LIG1: variants seen among roughly 807,000 people sequenced by gnomAD.
LIG1 encodes the protein ligase I, DNA, ATP-dependent.
LIG1 carries 70 observed loss-of-function variants against 115.7 expected under a neutral mutation model. The ratio of observed to expected loss-of-function variants is 0.60; its 90% CI spans 0.50 to 0.74. LIG1 has a LOEUF of 0.74. Among genes scored for constraint, LIG1 ranks in the 30% least tolerant of loss-of-function variants. LIG1 has a pLI of 0.00. For missense variants in LIG1, 1,115 were observed against 1,225.6 expected, an observed-to-expected ratio of 0.91 and a Z score of 1.35; for synonymous variants, 487 against 495.3, an observed-to-expected ratio of 0.98 and a Z score of 0.22.
chr19:48,165,079 T>C (rs925407947), intron 2 of LIG1, among the ~76,000 whole-genome samples: 10 of 152,182 alleles, frequency 6.6e-5, no homozygotes, highest in Non-Finnish European at 1.5e-4. Context: ...ACCAACGTGG[T>C]GAAACCCCGT....
intron 19 of LIG1, among the ~76,000 whole-genome samples, chr19:48,128,621 G>A (rs998015686): frequency 6.6e-6 from 1 of 152,118 alleles, no homozygotes; most frequent in East Asian, 1.9e-4. Context: ...TGCATGTGCC[G>A]TTCCCTCTAG....
intron 23 of LIG1, 38 bp from the exon 24 acceptor site, chr19:48,121,360 G>T (rs377607663): frequency 3.9e-6 from 6 of 1,549,818 alleles, no homozygotes; most frequent in Admixed American, 1.9e-5. Flanking sequence ...AAGGGGGAGC[G>T]CCCAAGGCGG....
At chr19:48,120,644 AG>A in intron 24 of LIG1, 1 of 786,644 alleles carries the variant, frequency 1.3e-6, no homozygotes, top group Middle Eastern at 6.4e-4. Context: ...CAAAGTGATG[AG>A]CAACAGAACT....
At chr19:48,152,509 A>G (rs1432350193) in intron 6 of LIG1, among the ~76,000 whole-genome samples, 2 of 152,220 alleles carry the variant, frequency 1.3e-5, no homozygotes, top group East Asian at 1.9e-4. Context: ...AAATGACGTT[A>G]AAGGCTGCAA....
Position 48,122,952 on chromosome 19 carries a change from T to C in LIG1, c.2214A>G (p.Arg738=). The part of the protein sequence containing the change: ...DVDATYEIAK[R]SHNWLKLKKD... ...GAATCACCTTGAGCCAGTTGTGCGA[T>C]CTCTTGGCGATCTCGTAGGTGGCAT... The change falls in exon 23 of 28, where the codon AGA becomes AGG. Residue 738 remains arginine (R), a synonymous_variant. Coordinates refer to ENST00000263274, the MANE Select transcript of LIG1 (RefSeq NM_000234.3). The surrounding 1 kb of genome is among the most constrained non-coding windows in gnomAD (Gnocchi z 4.3). The C allele has an allele frequency of 1.9e-6, 3 of 1,612,752 alleles. No homozygotes were observed. The highest frequency in any genetic ancestry group is 2.5e-6 in the Non-Finnish European group (3 of 1,179,792).
chr19:48,134,892 T>A (rs2034281422), intron 16 of LIG1, among the ~76,000 whole-genome samples: 1 of 152,218 alleles, frequency 6.6e-6, no homozygotes, highest in East Asian at 1.9e-4. Context: ...CCCTCCTGCC[T>A]CTGACATCCT....
At chr19:48,136,877 G>C (rs2034424499) in intron 14 of LIG1, 131 bp downstream of exon 14, 1 of 771,278 alleles carries the variant, frequency 1.3e-6, no homozygotes, top group African/African-American at 1.7e-5. Flanking sequence ...TAGGGGCTGG[G>C]CCTCCTGCTC....
At chr19:48,123,374 T>G in intron 21 of LIG1, 56 bp from the exon 22 acceptor site, 3 of 1,593,062 alleles carry the variant, frequency 1.9e-6, no homozygotes, top group Non-Finnish European at 2.6e-6. Context: ...ATAAAGACAA[T>G]AAGCCCTAAA....
At chr19:48,160,042 G>C (rs562192371) in intron 4 of LIG1, among the ~76,000 whole-genome samples, 6 of 152,246 alleles carry the variant, frequency 3.9e-5, no homozygotes, top group African/African-American at 1.2e-4. Context: ...GGAGAAAAGG[G>C]GATCTCTAGC....
Position 48,115,721 on chromosome 19 carries a change from C to T in LIG1, c.2688G>A (p.Leu896=). Residue 896 remains leucine, a synonymous_variant, in exon 28 of 28, where the codon TTG becomes TTA. Coordinates refer to ENST00000263274, the MANE Select transcript of LIG1 (RefSeq NM_000234.3). Reference sequence around the variant, plus strand: ...TCTGAATCTGACTTTGCTTCCGGTACAAACAGGCCACCTGCGGAGAGAGGG... The same window carrying T: ...TCTGAATCTGACTTTGCTTCCGGTATAAACAGGCCACCTGCGGAGAGAGGG... ...QATTSAQVAC[L]YRKQSQIQNQ... 1 of 1,614,018 alleles carries T rather than the reference C, an allele frequency of 6.2e-7. No individual in the cohort carries two copies. The highest frequency in any genetic ancestry group is 1.1e-5 in the South Asian group (1 of 91,082).
chr19:48,122,605 A>C lies in LIG1; in HGVS notation c.2232+329T>G, dbSNP rs2033367015. On this transcript the variant is annotated intron_variant, in intron 23 of 27. Coordinates refer to ENST00000263274, the MANE Select transcript of LIG1 (RefSeq NM_000234.3). This position sits in a 1 kb window ranked among gnomAD's most constrained non-coding sequence, Gnocchi z 4.3. ...TCTTCATGGCGCCCACTCCTGCCTG[A>C]CTTTCTCTTATTCATGTCCTGGCTT... Among the ~76,000 whole-genome samples, 1 of 152,050 alleles carries C rather than the reference A, an allele frequency of 6.6e-6. No homozygotes were observed. Among genetic ancestry groups the C allele is most frequent in the Non-Finnish European group, 1.5e-5 (1 of 68,000 alleles).
chr19:48,133,997 G>A lies in LIG1; in HGVS notation c.1593C>T (p.His531=), dbSNP rs2034215384. 2 of 1,554,548 alleles carry A rather than the reference G, an allele frequency of 1.3e-6. No homozygotes were observed. The highest frequency in any genetic ancestry group is 1.7e-6 in the Non-Finnish European group (2 of 1,148,616). The change falls in exon 17 of 28, where the codon CAC becomes CAT. Residue 531 remains histidine (H), a synonymous_variant. Transcript: ENST00000263274. ...GGCCTGTACCTGGGCTCAGCTTGCAGTGCTCCGGGAGACGTTCCAGGCCGT... is the reference window on the plus strand; with the variant it reads ...GGCCTGTACCTGGGCTCAGCTTGCAATGCTCCGGGAGACGTTCCAGGCCGT... ...LEHGLERLPE[H]CKLSPGIPLK...
At chr19:48,123,409 G>C in intron 21 of LIG1, 91 bp from the exon 22 acceptor site, 1 of 1,439,016 alleles carries the variant, frequency 6.9e-7, no homozygotes, top group Non-Finnish European at 9.6e-7. Flanking sequence ...GACATGTGCG[G>C]GTCACAACTA....
At chr19:48,135,625 A>G (rs1599781830) in intron 16 of LIG1, 55 bp downstream of exon 16, 11 of 1,280,714 alleles carry the variant, frequency 8.6e-6, no homozygotes, top group Non-Finnish European at 1.0e-5. Flanking sequence ...CTCCACCCCC[A>G]CCCTGGCACT....
chr19:48,126,342 A>AAAAAG, intron 21 of LIG1, among the ~76,000 whole-genome samples: 1 of 152,154 alleles, frequency 6.6e-6, no homozygotes, highest in African/African-American at 2.4e-5. Flanking sequence ...GTGGTGGTTC[A>AAAAAG]CGCCTGTAAT....
At chr19:48,166,505 CAGA>C (rs57375266) in intron 1 of LIG1, among the ~76,000 whole-genome samples, 15 of 126,426 alleles carry the variant, frequency 1.2e-4, no homozygotes, top group African/African-American at 6.2e-4. Context: ...TCAGGAGGGA[CAGA>C]CGCTGGAGGG....
chr19:48,149,793 C>T lies in LIG1; in HGVS notation c.746G>A (p.Gly249Glu), dbSNP rs3730911. 442 of 1,614,096 alleles carry T rather than the reference C, an allele frequency of 2.7e-4. 4 individuals carry two copies. In the East Asian group the frequency reaches 8.4e-3, roughly 31 times the overall value. Residue 249 changes from glycine (G) to glutamate (E), a missense_variant, in exon 9 of 28, where the codon GGG becomes GAG. Transcript: ENST00000263274. ...VKKEVKEEEP[G>E]APGKEGAAEG... is the part of the protein sequence containing the mutation. Reference sequence around the variant, plus strand: ...AGCAGCTCCCTCCTTTCCTGGAGCCCCTGGCTCCTCTTCCTTCACTTCTTT... The same window carrying T: ...AGCAGCTCCCTCCTTTCCTGGAGCCTCTGGCTCCTCTTCCTTCACTTCTTT...
At chr19:48,154,230 A>G in intron 5 of LIG1, 2 of 458,130 alleles carry the variant, frequency 4.4e-6, no homozygotes, top group Non-Finnish European at 8.2e-6. Context: ...CGAGTAAACA[A>G]TGATGTAATG....
chr19:48,155,185 C>T (rs1164649865), intron 5 of LIG1, among the ~76,000 whole-genome samples: 1 of 152,128 alleles, frequency 6.6e-6, no homozygotes, highest in East Asian at 1.9e-4. Flanking sequence ...ATGAACCTGC[C>T]TCCCCACCTC....
Sources: allele counts gnomAD v4.1 joint callset (sites outside exome capture counted in the v4.1 genomes callset), GRCh38; gene constraint gnomAD v4.1.1; non-coding constraint Gnocchi (gnomAD v3.1); transcripts MANE v1.5; gene names NCBI Gene and HGNC (gene_info 2026-07-23, HGNC 2026-07-21).